Variants in XCL1 observed in about 807,000 individuals in gnomAD.
XCL1 encodes the protein X-C motif chemokine ligand 1.
XCL1 carries 6 observed loss-of-function variants against 7.4 expected under a neutral mutation model. That is an observed-to-expected ratio of 0.82 (90% confidence interval 0.45 to 1.61). The LOEUF (loss-of-function observed/expected upper bound fraction) is 1.61. Ranked by LOEUF, XCL1 falls within the 40% of genes most tolerant of loss-of-function variation. XCL1 has a pLI of 0.01. For missense variants in XCL1, 122 were observed against 138.2 expected (o/e 0.88, Z 0.59); for synonymous variants, 48 against 52.4 (o/e 0.92, Z 0.36).
chr1:168,579,844 G>C (rs1161318151), intron 1 of XCL1, among the ~76,000 whole-genome samples: 2 of 151,954 alleles, frequency 1.3e-5, no homozygotes, highest in Admixed American at 1.3e-4. Flanking sequence ...TGAAATTCCT[G>C]AAACAATTCT....
chr1:168,580,371 T>C (rs1314839154), intron 2 of XCL1, among the ~76,000 whole-genome samples, 194 bp downstream of exon 2: 1 of 152,196 alleles, frequency 6.6e-6, no homozygotes, highest in South Asian at 2.1e-4. Flanking sequence ...ATTGCAGAAA[T>C]TGGGCTGCCA....
At position 168,581,144 on chromosome 1, in the gene XCL1, C is replaced by T. The variant is rs1655157436; in HGVS notation, c.269C>T (p.Thr90Ile). 6.2e-7 allele frequency: 1 copy of T among 1,613,694 alleles called. No homozygotes were observed. The highest frequency in any genetic ancestry group is 1.7e-5 in the Admixed American group (1 of 59,968). ...VVRSMDRKSN[T>I]RNNMIQTKPT... Reference sequence around the variant, plus strand: ...AGGAGCATGGACAGGAAATCCAACACCAGAAATAACATGATCCAGACCAAG... The same window carrying T: ...AGGAGCATGGACAGGAAATCCAACATCAGAAATAACATGATCCAGACCAAG... Residue 90 changes from threonine to isoleucine, a missense_variant, in exon 3 of 3, where the codon ACC (threonine) becomes ATC (isoleucine). Physicochemically the swap from Thr to Ile is moderately conservative, Grantham distance 89 (BLOSUM62 -1). Transcript: ENST00000367818.
rs183767536 is a variant in XCL1 at position 168,579,937 on chromosome 1, T to C, written c.62-126T>C. 15 of 920,028 alleles carry C rather than the reference T, an allele frequency of 1.6e-5. No homozygotes were observed. The African/African-American group carries it at 2.2e-4, about 14-fold the overall frequency. 57.0% of individuals were successfully genotyped at this position (920,028 alleles called of 1,614,324 possible). ...ATTCGGGATGCCTATCAGTCCTCTC[T>C]TCCCCCAAAAAGCAAATGGCCTTAA... On this transcript the variant is annotated intron_variant, in intron 1 of 2. Transcript: ENST00000367818.
At chr1:168,578,597 A>T (rs555347312) in intron 1 of XCL1, 1 of 197,914 alleles carries the variant, frequency 5.1e-6, no homozygotes, top group Non-Finnish European at 1.0e-5. Context: ...CCATTTATTA[A>T]TTTTTTGGAG....
In XCL1 at chr1:168,580,870, A is replaced by T. The variant is rs570886828; in HGVS notation, c.177-182A>T. Among the ~76,000 whole-genome samples, 408 of 151,916 alleles carry T rather than the reference A, an allele frequency of 2.7e-3. 2 individuals are homozygous for T. Among genetic ancestry groups the T allele is most frequent in the African/African-American group, 6.6e-3 (273 of 41,390 alleles). ...GGGCTGGATACTACTTGCAGATATT[A>T]CTCCTTTATGTTAAAATAGATGGCA... On this transcript the variant is annotated intron_variant, in intron 2 of 2. Coordinates refer to ENST00000367818, the MANE Select transcript of XCL1 (RefSeq NM_002995.3).
In XCL1 at chr1:168,581,126, T is replaced by G; in HGVS notation, c.251T>G (p.Met84Arg). Residue 84 changes from methionine (M) to arginine (R), a missense_variant, in exon 3 of 3, where the codon ATG (methionine) becomes AGG (arginine). Met to Arg is a moderately conservative substitution (Grantham distance 91). Coordinates refer to ENST00000367818, the MANE Select transcript of XCL1 (RefSeq NM_002995.3). ...ATWVRDVVRS[M>R]DRKSNTRNNM... ...TGGGTGAGAGACGTGGTCAGGAGCA[T>G]GGACAGGAAATCCAACACCAGAAAT... 2 of 1,613,818 alleles carry G rather than the reference T, an allele frequency of 1.2e-6. No homozygotes were observed. Among genetic ancestry groups the G allele is most frequent in the Non-Finnish European group, 1.7e-6 (2 of 1,179,788 alleles).
chr1:168,579,906 C>T (rs1304463301), intron 1 of XCL1, among the ~76,000 whole-genome samples, 157 bp from the exon 2 acceptor site: 1 of 152,168 alleles, frequency 6.6e-6, no homozygotes, highest in Non-Finnish European at 1.5e-5. Flanking sequence ...CTGTGACGGG[C>T]AAGAGATTCG....
chr1:168,580,106 C>T lies in XCL1; in HGVS notation c.105C>T (p.Leu35=), dbSNP rs1204672731. Reference sequence around the variant, plus strand: ...CAGATAAGAGGACCTGTGTGAGCCTCACTACCCAGCGACTGCCGGTTAGCA... The same window carrying T: ...CAGATAAGAGGACCTGTGTGAGCCTTACTACCCAGCGACTGCCGGTTAGCA... The part of the protein sequence containing the change: ...EVSDKRTCVS[L]TTQRLPVSRI... Residue 35 remains leucine (L), a synonymous_variant, in exon 2 of 3, where the codon CTC becomes CTT. Transcript: ENST00000367818. 1.2e-6 allele frequency: 2 copies of T among 1,613,940 alleles called. No individual in the cohort carries two copies. Among genetic ancestry groups the T allele is most frequent in the South Asian group, 2.2e-5 (2 of 91,068 alleles).
At chr1:168,578,775 G>C (rs934097712) in intron 1 of XCL1, 1 of 466,222 alleles carries the variant, frequency 2.1e-6, no homozygotes, top group Non-Finnish European at 4.2e-6. Context: ...TGTCCTGATA[G>C]CTTCCACCAG....
At chr1:168,579,259 G>C (rs1655095865) in intron 1 of XCL1, 1 of 327,796 alleles carries the variant, frequency 3.1e-6, no homozygotes, top group African/African-American at 2.2e-5. Context: ...AGATATAGCG[G>C]GGCCATTTCA....
chr1:168,576,767 T>C, intron 1 of XCL1, 69 bp downstream of exon 1: 1 of 1,610,564 alleles, frequency 6.2e-7, no homozygotes, highest in Non-Finnish European at 8.5e-7. Flanking sequence ...ATTTTGGGTT[T>C]GACTCAGGTT....
At position 168,581,504 on chromosome 1, in the gene XCL1, G is replaced by T. The variant is rs1195871760; in HGVS notation, c.*284G>T. ...CCTCTCTTTGATGGTAACCATAATGGAAGAGATTCTGGCTAGTGTCTATCA... is the reference window on the plus strand; with the variant it reads ...CCTCTCTTTGATGGTAACCATAATGTAAGAGATTCTGGCTAGTGTCTATCA... On this transcript the variant is annotated 3_prime_UTR_variant, in exon 3 of 3. Transcript: ENST00000367818. The T allele has an allele frequency of 4.2e-6, 1 of 237,420 alleles. No individual in the cohort carries two copies. Among genetic ancestry groups the T allele is most frequent in the East Asian group, 9.2e-5 (1 of 10,890 alleles). 14.7% of individuals were successfully genotyped at this position (237,420 alleles called of 1,614,324 possible).
intron 1 of XCL1, among the ~76,000 whole-genome samples, chr1:168,579,757 C>A (rs1655111319): frequency 6.6e-6 from 1 of 152,086 alleles, no homozygotes; most frequent in African/African-American, 2.4e-5. Context: ...GTCACTGGGG[C>A]ATTTGCTAGC....
intron 1 of XCL1, chr1:168,578,819 T>G: frequency 2.2e-6 from 1 of 445,520 alleles, no homozygotes; most frequent in South Asian, 1.7e-5. Context: ...CCTGGTTAAC[T>G]TGTGTGAAGG....
Position 168,579,141 on chromosome 1 carries a change from G to A in XCL1, c.62-922G>A, listed in dbSNP as rs537407051. Reference sequence around the variant, plus strand: ...GTCTCTGGTCAGTACTTGTGGATCAGCTTAAGTGGCTGAGTAGCTGTTTGG... The same window carrying A: ...GTCTCTGGTCAGTACTTGTGGATCAACTTAAGTGGCTGAGTAGCTGTTTGG... On this transcript the variant is annotated intron_variant, in intron 1 of 2. Coordinates refer to ENST00000367818, the MANE Select transcript of XCL1 (RefSeq NM_002995.3). The A allele has an allele frequency of 9.6e-5, 39 of 405,520 alleles. No homozygotes were observed. The East Asian group carries it at 2.5e-3, about 26-fold the overall frequency. 25.1% of individuals were successfully genotyped at this position (405,520 alleles called of 1,614,324 possible).
chr1:168,579,153 G>A, intron 1 of XCL1: 2 of 400,772 alleles, frequency 5.0e-6, no homozygotes, highest in Non-Finnish European at 9.8e-6. Context: ...TTAAGTGGCT[G>A]AGTAGCTGTT....
rs1655084492 is a variant in XCL1 at position 168,578,732 on chromosome 1, A to C, written c.62-1331A>C. 8 of 383,894 alleles carry C rather than the reference A, an allele frequency of 2.1e-5. No individual in the cohort carries two copies. In the Admixed American group the frequency reaches 2.7e-4, roughly 13 times the overall value. 23.8% of individuals were successfully genotyped at this position (383,894 alleles called of 1,614,324 possible). A position where few individuals can be genotyped will look rare whatever the true frequency, so the allele number is the denominator to read the frequency against. On this transcript the variant is annotated intron_variant, in intron 1 of 2. Coordinates refer to ENST00000367818, the MANE Select transcript of XCL1 (RefSeq NM_002995.3). ...GAGCCACAGATTTTGGACTCGGGAC[A>C]TTGCAGATCTCATCATATCCGTCAT...
intron 1 of XCL1, among the ~76,000 whole-genome samples, chr1:168,577,111 A>G (rs556324338): frequency 6.6e-6 from 1 of 152,368 alleles, no homozygotes; most frequent in East Asian, 1.9e-4. Flanking sequence ...GGTGATGATT[A>G]TAAATGCATT....
chr1:168,576,630 C>G lies in XCL1; in HGVS notation c.-8C>G, dbSNP rs1431930022. 5.0e-6 allele frequency: 8 copies of G among 1,613,530 alleles called. No homozygotes were observed. The highest frequency in any genetic ancestry group is 1.7e-4 in the Middle Eastern group (1 of 6,060). ...ACTCTCCTTGCACAGCTCAGCAGGA[C>G]CTCAGCCATGAGACTTCTCATCCTG... On this transcript the variant is annotated 5_prime_UTR_variant, in exon 1 of 3. Transcript: ENST00000367818.
Sources: gnomAD v4.1 joint callset for allele counts (sites outside exome capture counted in the v4.1 genomes callset) on GRCh38, gnomAD v4.1.1 for gene constraint, MANE v1.5 for transcripts, NCBI Gene and HGNC (gene_info 2026-07-23, HGNC 2026-07-21) for gene names.